The following KIAA1549L variants were observed in gnomAD, a reference collection of about 807,000 sequenced individuals.
KIAA1549L encodes KIAA1549 like, also known as UPF0606 protein KIAA1549L.
KIAA1549L carries 88 observed loss-of-function variants against 160.7 expected under a neutral mutation model. The ratio of observed to expected loss-of-function variants is 0.55; its 90% confidence interval spans 0.46 to 0.65. KIAA1549L has a LOEUF of 0.65. KIAA1549L is among the 30% of genes least tolerant of loss of function. KIAA1549L has a pLI of 0.00. For synonymous variants in KIAA1549L, 950 were observed against 976.7 expected (o/e 0.97, Z 0.51); for missense variants, 2,258 against 2,437.5 (o/e 0.93, Z 1.55).
At chr11:33,400,275 T>C (rs541419408) in intron 1 of KIAA1549L, among the ~76,000 whole-genome samples, 7 of 152,204 alleles carry the variant, frequency 4.6e-5, no homozygotes, top group African/African-American at 1.7e-4. Flanking sequence ...GGTATATAAG[T>C]AAGGACAGGG....
At position 33,408,489 on chromosome 11, in the gene KIAA1549L, G is replaced by GTATATATA. The variant is rs138063173; in HGVS notation, c.238+31615_238+31622dup. 7.1e-3 allele frequency among the ~76,000 whole-genome samples: 873 copies of GTATATATA among 123,018 alleles called. 11 individuals are homozygous for GTATATATA. The highest frequency in any genetic ancestry group is 0.023 in the African/African-American group (705 of 30,976). The allele number at this position is 123,018 out of a possible 152,430, so 80.7% of individuals were successfully genotyped here. A position where few individuals can be genotyped will look rare whatever the true frequency, so the allele number is the denominator to read the frequency against. On this transcript the variant is annotated intron_variant, in intron 1 of 20. Transcript: ENST00000658780. ...ATATATATACATACTCTGTATATGT[G>GTATATATA]TATATATATATATATATATATACAC...
rs1854187186 is a variant in KIAA1549L, at chr11:33,544,942, A to C, written c.2949A>C (p.Lys983Asn). Reference sequence around the variant, plus strand: ...GCAGTTCGATGACTACTCTTGCTAAAAATGTCACAAACAAGGCCGCATCTG... The same window carrying C: ...GCAGTTCGATGACTACTCTTGCTAACAATGTCACAAACAAGGCCGCATCTG... ...AKSSSMTTLA[K>N]NVTNKAASGP... Residue 983 changes from lysine (K) to asparagine (N), a missense_variant, in exon 3 of 21, where the codon AAA becomes AAC. Lys to Asn is a moderately conservative substitution (Grantham distance 94). This residue lies in a region of KIAA1549L where 1,359 missense variants were observed against 1,546.6 expected (regional missense o/e 0.88). Coordinates refer to ENST00000658780, the MANE Select transcript of KIAA1549L (RefSeq NM_012194.3). The C allele has an allele frequency of 2.5e-6, 4 of 1,613,726 alleles. No individual in the cohort carries two copies. The highest frequency in any genetic ancestry group is 1.6e-4 in the Middle Eastern group (1 of 6,062).
intron 11 of KIAA1549L, among the ~76,000 whole-genome samples, chr11:33,587,702 A>G (rs1203933481): frequency 2.0e-5 from 3 of 152,204 alleles, no homozygotes; most frequent in African/African-American, 7.2e-5. Flanking sequence ...CATTGACCCA[A>G]TCACCTGAAG....
chr11:33,447,245 CTCTTGGCCTAAAGCAAGGGGGTCTGGT>C (rs1356279609), intron 1 of KIAA1549L, among the ~76,000 whole-genome samples: 1 of 149,718 alleles, frequency 6.7e-6, no homozygotes, highest in African/African-American at 2.6e-5. Context: ...TGAAGTACAT[CTCTTGGCCTAAAGCAAGGGGGTCTGGT>C]AGGGCAGGGG....
chr11:33,541,548 A>G (rs775179320), intron 1 of KIAA1549L, among the ~76,000 whole-genome samples: 2 of 152,226 alleles, frequency 1.3e-5, no homozygotes, highest in African/African-American at 2.4e-5. Flanking sequence ...ATTTTTTAAT[A>G]CACAAGTATT....
chr11:33,471,854 G>A (rs1035332174), intron 1 of KIAA1549L, among the ~76,000 whole-genome samples: 4 of 152,222 alleles, frequency 2.6e-5, no homozygotes, highest in South Asian at 2.1e-4. Flanking sequence ...TACATTCTGC[G>A]AGTCTCTGAG....
intron 1 of KIAA1549L, among the ~76,000 whole-genome samples, chr11:33,470,605 G>A (rs1181600354): frequency 6.6e-6 from 1 of 151,870 alleles, no homozygotes; most frequent in Non-Finnish European, 1.5e-5. Context: ...ATATTTTTGT[G>A]TGTGTTTGTT....
chr11:33,380,776 C>T (rs530992168), intron 1 of KIAA1549L, among the ~76,000 whole-genome samples: 3 of 152,080 alleles, frequency 2.0e-5, no homozygotes, highest in African/African-American at 7.2e-5. Context: ...CTTGATGAAT[C>T]GATACCAAAG....
intron 15 of KIAA1549L, among the ~76,000 whole-genome samples, chr11:33,615,282 C>G (rs1258007471): frequency 6.6e-6 from 1 of 152,054 alleles, no homozygotes; most frequent in African/African-American, 2.4e-5. Flanking sequence ...TCTGTGGAAC[C>G]CCAGGGTTCC....
In KIAA1549L at chr11:33,673,993, C is replaced by G. The variant is rs1852728489; in HGVS notation, c.*5839C>G. 1 of 152,208 alleles carries G rather than the reference C, an allele frequency of 6.6e-6. No individual in the cohort carries two copies. The highest frequency in any genetic ancestry group is 2.1e-4 in the South Asian group (1 of 4,830). The allele number at this position is 152,208 out of a possible 1,614,324, so 9.4% of individuals were successfully genotyped here. A position where few individuals can be genotyped will look rare whatever the true frequency, so the allele number is the denominator to read the frequency against. On this transcript the variant is annotated 3_prime_UTR_variant, in exon 21 of 21. Coordinates refer to ENST00000658780, the MANE Select transcript of KIAA1549L (RefSeq NM_012194.3). ...TAGCTGTTGTTATTTTAATGCTTCG[C>G]TTTCTAATGAACTTTGTACGTCCTT...
chr11:33,393,962 AC>A (rs1220534693), intron 1 of KIAA1549L, among the ~76,000 whole-genome samples: 1 of 152,160 alleles, frequency 6.6e-6, no homozygotes, highest in African/African-American at 2.4e-5. Context: ...TGCTCTTTAA[AC>A]CTTTTTGACC....
intron 8 of KIAA1549L, among the ~76,000 whole-genome samples, chr11:33,563,566 G>A (rs1854948222): frequency 1.3e-5 from 2 of 152,050 alleles, no homozygotes; most frequent in Non-Finnish European, 2.9e-5. Flanking sequence ...CACCCCTGCT[G>A]GATGAAGCCT....
At chr11:33,645,331 C>T (rs767446408) in intron 16 of KIAA1549L, among the ~76,000 whole-genome samples, 2 of 151,740 alleles carry the variant, frequency 1.3e-5, no homozygotes, top group African/African-American at 2.4e-5. Flanking sequence ...ATTCCAGGGT[C>T]TTATACCCTA....
intron 1 of KIAA1549L, chr11:33,403,184 CACACAGACAT>C: frequency 6.9e-6 from 1 of 145,384 alleles, no homozygotes; most frequent in Non-Finnish European, 1.5e-5. Flanking sequence ...TGCATACACA[CACACAGACAT>C]ACACAGACAC....
intron 1 of KIAA1549L, among the ~76,000 whole-genome samples, chr11:33,534,423 C>T (rs746624849): frequency 1.3e-5 from 2 of 151,870 alleles, no homozygotes; most frequent in East Asian, 1.9e-4. Flanking sequence ...AGACTATTAC[C>T]GTATTTGTGA....
chr11:33,481,617 C>T (rs1249974465), intron 1 of KIAA1549L, among the ~76,000 whole-genome samples: 12 of 152,274 alleles, frequency 7.9e-5, no homozygotes, highest in Admixed American at 7.2e-4. Context: ...TATATACCAG[C>T]CCAGGGATGC....
In KIAA1549L at chr11:33,671,857, C is replaced by T. The variant is rs1416419224; in HGVS notation, c.*3703C>T. 6.6e-6 allele frequency: 1 copy of T among 152,176 alleles called. No individual in the cohort carries two copies. The highest frequency in any genetic ancestry group is 2.4e-5 in the African/African-American group (1 of 41,446). 9.4% of individuals were successfully genotyped at this position (152,176 alleles called of 1,614,324 possible). ...GTACTTAATCCTAAATTCCTCTTAT[C>T]ACACACCAGAAAATAATTTGGATTT... is the stretch of plus-strand genomic sequence containing the variant. On this transcript the variant is annotated 3_prime_UTR_variant, in exon 21 of 21. Coordinates refer to ENST00000658780, the MANE Select transcript of KIAA1549L (RefSeq NM_012194.3).
intron 1 of KIAA1549L, among the ~76,000 whole-genome samples, chr11:33,476,273 A>G (rs1215968776): frequency 6.6e-6 from 1 of 152,106 alleles, no homozygotes; most frequent in Admixed American, 6.5e-5. Flanking sequence ...ATCGAGATGA[A>G]TGAATGGGGG....
At chr11:33,667,161 C>A (rs1391775640) in intron 20 of KIAA1549L, among the ~76,000 whole-genome samples, 1 of 152,132 alleles carries the variant, frequency 6.6e-6, no homozygotes, top group Non-Finnish European at 1.5e-5. Context: ...TGTACCACTG[C>A]ACTACAGCCT....
Sources: gnomAD v4.1 joint callset for allele counts (sites outside exome capture counted in the v4.1 genomes callset) on GRCh38, gnomAD v4.1.1 for gene constraint, gnomAD v4.1.1 regional missense constraint, MANE v1.5 for transcripts, NCBI Gene and HGNC (gene_info 2026-07-23, HGNC 2026-07-21) for gene names.